RFTN2: variants seen among roughly 807,000 people sequenced by gnomAD.
The protein encoded by RFTN2 is raftlin family member 2, also known as raftlin-2.
In RFTN2, 34 loss-of-function variants were observed where a neutral mutation model predicts 52.7. The observed-to-expected ratio is 0.64, with a 90% CI of 0.49 to 0.86. The LOEUF is 0.86. Among genes scored for constraint, RFTN2 ranks in the 40% least tolerant of loss-of-function variants. The probability of loss-of-function intolerance (pLI) is 0.00; values close to 1 mark genes in which losing one functional copy is unlikely to be tolerated. For missense variants in RFTN2, 536 were observed against 600.1 expected (o/e 0.89, Z 1.12); for synonymous variants, 203 against 217.7 (o/e 0.93, Z 0.59).
At chr2:197,616,216 A>G (rs1258165945) in intron 6 of RFTN2, among the ~76,000 whole-genome samples, 2 of 149,228 alleles carry the variant, frequency 1.3e-5, no homozygotes, top group African/African-American at 4.9e-5. Flanking sequence ...TGGTCTTGTT[A>G]GGGCAGTGGT....
At chr2:197,617,686 A>C in intron 6 of RFTN2, 114 bp downstream of exon 6, 1 of 371,892 alleles carries the variant, frequency 2.7e-6, no homozygotes, top group Non-Finnish European at 3.9e-6. Flanking sequence ...GACTCAAAAA[A>C]ACAAAAACAA....
intron 7 of RFTN2, among the ~76,000 whole-genome samples, chr2:197,605,447 C>T (rs1226979262): frequency 1.3e-5 from 2 of 152,050 alleles, no homozygotes; most frequent in African/African-American, 4.8e-5. Context: ...GATCTCCTGA[C>T]CTCATGATCC....
At chr2:197,582,261 C>T (rs192463453) in intron 8 of RFTN2, among the ~76,000 whole-genome samples, 63 of 152,330 alleles carry the variant, frequency 4.1e-4, no homozygotes, top group Middle Eastern at 3.4e-3. Flanking sequence ...CTTTCTGCTC[C>T]GCAGCTCCTT....
intron 8 of RFTN2, among the ~76,000 whole-genome samples, chr2:197,585,429 G>C (rs1258019557): frequency 2.0e-5 from 3 of 152,028 alleles, no homozygotes; most frequent in African/African-American, 7.2e-5. Flanking sequence ...ACCTCAAACT[G>C]CCACTTTTAA....
chr2:197,657,340 C>A (rs913123564), intron 1 of RFTN2, among the ~76,000 whole-genome samples: 1 of 152,178 alleles, frequency 6.6e-6, no homozygotes, highest in Non-Finnish European at 1.5e-5. Context: ...CTGGGTCACC[C>A]CAGGGATTCT....
At chr2:197,640,283 G>A (rs1490998160) in intron 3 of RFTN2, among the ~76,000 whole-genome samples, 1 of 152,104 alleles carries the variant, frequency 6.6e-6, no homozygotes, top group East Asian at 1.9e-4. Context: ...CTTCCTGGCT[G>A]CTTTGTTTAC....
chr2:197,610,526 G>A (rs939690578), intron 7 of RFTN2, among the ~76,000 whole-genome samples: 16 of 152,154 alleles, frequency 1.1e-4, no homozygotes, highest in African/African-American at 3.6e-4. Flanking sequence ...AGACAATGGG[G>A]TTTTCTAAAT....
intron 7 of RFTN2, among the ~76,000 whole-genome samples, chr2:197,613,672 C>T (rs1016342310): frequency 1.1e-4 from 17 of 152,200 alleles, no homozygotes; most frequent in Non-Finnish European, 2.4e-4. Flanking sequence ...AATAAAAAGG[C>T]AGAGAATAAA....
intron 1 of RFTN2, among the ~76,000 whole-genome samples, chr2:197,656,379 C>T (rs2088894465): frequency 6.6e-6 from 1 of 152,110 alleles, no homozygotes; most frequent in Admixed American, 6.6e-5. Context: ...GGGTTTGAAT[C>T]CTGATTATGC....
intron 5 of RFTN2, among the ~76,000 whole-genome samples, chr2:197,622,057 T>G (rs1029380632): frequency 1.3e-5 from 2 of 152,208 alleles, no homozygotes; most frequent in Non-Finnish European, 2.9e-5. Flanking sequence ...AGCCAAAGCC[T>G]AATCCAGAGC....
chr2:197,586,082 GC>G (rs1559339068), intron 8 of RFTN2, among the ~76,000 whole-genome samples: 1 of 152,096 alleles, frequency 6.6e-6, no homozygotes, highest in East Asian at 1.9e-4. Context: ...TTACAGATAA[GC>G]CCTCTATCAA....
intron 8 of RFTN2, among the ~76,000 whole-genome samples, chr2:197,579,796 G>A (rs959215344): frequency 6.6e-6 from 1 of 151,948 alleles, no homozygotes; most frequent in Non-Finnish European, 1.5e-5. Flanking sequence ...TCCCTGCCAG[G>A]CTGAATCAGG....
At chr2:197,576,919 A>T (rs943706309) in intron 8 of RFTN2, among the ~76,000 whole-genome samples, 1 of 152,198 alleles carries the variant, frequency 6.6e-6, no homozygotes, top group Non-Finnish European at 1.5e-5. Flanking sequence ...GGAAAAGTCA[A>T]GCTGAGAATG....
intron 8 of RFTN2, among the ~76,000 whole-genome samples, chr2:197,584,038 C>T (rs1007734026): frequency 1.3e-5 from 2 of 152,064 alleles, no homozygotes; most frequent in African/African-American, 4.8e-5. Flanking sequence ...GATGGACATT[C>T]GGGTTGGTTC....
At chr2:197,628,102 C>T (rs1902247) in intron 5 of RFTN2, among the ~76,000 whole-genome samples, 36,280 of 151,622 alleles carry the variant, frequency 0.24, 4,595 homozygotes, top group African/African-American at 0.32. Flanking sequence ...ATCAAACATA[C>T]CAAAACAAAG....
At chr2:197,654,019 A>G (rs1261106993) in intron 1 of RFTN2, among the ~76,000 whole-genome samples, 1 of 152,256 alleles carries the variant, frequency 6.6e-6, no homozygotes, top group East Asian at 1.9e-4. Context: ...CATACAAATA[A>G]ATACAATGAA....
intron 2 of RFTN2, among the ~76,000 whole-genome samples, chr2:197,644,905 A>G (rs929569061): frequency 2.6e-5 from 4 of 152,200 alleles, no homozygotes; most frequent in African/African-American, 9.6e-5. Flanking sequence ...CAATTACTCC[A>G]TGGGAGATAG....
chr2:197,656,448 G>T (rs750668390), intron 1 of RFTN2, among the ~76,000 whole-genome samples: 1 of 152,096 alleles, frequency 6.6e-6, no homozygotes, highest in Non-Finnish European at 1.5e-5. Flanking sequence ...CAAGAATAAA[G>T]AATAATATTA....
chr2:197,601,278 G>T (rs866884315), intron 7 of RFTN2, among the ~76,000 whole-genome samples: 30 of 152,194 alleles, frequency 2.0e-4, no homozygotes, highest in African/African-American at 6.8e-4. Context: ...GAGGGAGAGG[G>T]ATTTGCTGTG....
Sources: gnomAD v4.1 joint callset for allele counts (sites outside exome capture counted in the v4.1 genomes callset) on GRCh38, gnomAD v4.1.1 for gene constraint, MANE v1.5 for transcripts, NCBI Gene and HGNC (gene_info 2026-07-23, HGNC 2026-07-21) for gene names.